EPAS1: variants seen among roughly 807,000 people sequenced by gnomAD.
EPAS1 encodes the protein endothelial PAS domain-containing protein 1.
Under a neutral mutation model 87.9 loss-of-function variants are expected in EPAS1, and 23 were observed. The observed-to-expected ratio is 0.26, with a 90% CI of 0.19 to 0.37. The LOEUF is 0.37. Among genes scored for constraint, EPAS1 ranks in the 10% least tolerant of loss-of-function variants. EPAS1 has a pLI of 1.00. For synonymous variants in EPAS1, 508 were observed against 444.3 expected, an observed-to-expected ratio of 1.14 and a Z score of -1.80; for missense variants, 1,138 against 1,120.7, an observed-to-expected ratio of 1.02 and a Z score of -0.22.
chr2:46,333,652 G>A (rs1379875072), intron 1 of EPAS1, among the ~76,000 whole-genome samples: 1 of 152,090 alleles, frequency 6.6e-6, no homozygotes. Flanking sequence ...CTACAGGATC[G>A]TAGGAGCTAA....
At position 46,297,859 on chromosome 2, in the gene EPAS1, G is replaced by C. The variant is rs2104831279; in HGVS notation, c.-53G>C. 3.1e-6 allele frequency: 5 copies of C among 1,593,986 alleles called. No homozygotes were observed. The highest frequency in any genetic ancestry group is 4.3e-6 in the Non-Finnish European group (5 of 1,170,764). On this transcript the variant is annotated 5_prime_UTR_variant, in exon 1 of 16. Transcript: ENST00000263734. ...GGACGAGGGCCACAGCCCCCCACCC[G>C]CCAGGGAGCCCAGGTGCTCGGCGTC...
chr2:46,343,005 A>G (rs1374883324), intron 1 of EPAS1, among the ~76,000 whole-genome samples: 1 of 152,150 alleles, frequency 6.6e-6, no homozygotes, highest in East Asian at 1.9e-4. Context: ...AAACAAACCC[A>G]AAACAAACCC....
intron 6 of EPAS1, among the ~76,000 whole-genome samples, chr2:46,366,397 G>A (rs10206434): frequency 0.097 from 14,812 of 152,202 alleles, 2,123 homozygotes; most frequent in African/African-American, 0.31. Context: ...GCTGACCCAC[G>A]TATTTACTTG....
intron 2 of EPAS1, among the ~76,000 whole-genome samples, chr2:46,351,202 C>G (rs1034181059): frequency 6.6e-6 from 1 of 152,212 alleles, no homozygotes; most frequent in African/African-American, 2.4e-5. Context: ...AATATACAGT[C>G]TCTTCTAGAG....
intron 1 of EPAS1, among the ~76,000 whole-genome samples, chr2:46,345,827 T>C (rs1309856173): frequency 6.6e-6 from 1 of 152,220 alleles, no homozygotes; most frequent in East Asian, 1.9e-4. Flanking sequence ...TGTCTTTTCA[T>C]GGCCATCTTT....
At chr2:46,328,648 T>C (rs1475048367) in intron 1 of EPAS1, among the ~76,000 whole-genome samples, 1 of 152,240 alleles carries the variant, frequency 6.6e-6, no homozygotes, top group East Asian at 1.9e-4. Context: ...CTACACTTTA[T>C]TTATGTAGCA....
rs1237029051 is a variant in EPAS1, at chr2:46,371,734, C to G, written c.886+1801C>G. Among the ~76,000 whole-genome samples the G allele has an allele frequency of 1.3e-5, 2 of 152,180 alleles. No individual in the cohort carries two copies. The highest frequency in any genetic ancestry group is 2.9e-5 in the Non-Finnish European group (2 of 68,036). On this transcript the variant is annotated intron_variant, in intron 7 of 15. Coordinates refer to ENST00000263734, the MANE Select transcript of EPAS1 (RefSeq NM_001430.5). The surrounding 1 kb of genome is among the most constrained non-coding windows in gnomAD (Gnocchi z 4.3). ...GGGACTTAGCGGCCCAGGCTCTGGCCCAGCCGACCCACTGATTCCCTAGGG... is the reference window on the plus strand; with the variant it reads ...GGGACTTAGCGGCCCAGGCTCTGGCGCAGCCGACCCACTGATTCCCTAGGG...
chr2:46,320,521 G>T (rs548837989), intron 1 of EPAS1, among the ~76,000 whole-genome samples: 9 of 152,312 alleles, frequency 5.9e-5, no homozygotes, highest in African/African-American at 9.6e-5. Flanking sequence ...CAGTTTGTGG[G>T]CTAATGGAAA....
At chr2:46,322,534 C>T (rs898948721) in intron 1 of EPAS1, among the ~76,000 whole-genome samples, 1 of 152,194 alleles carries the variant, frequency 6.6e-6, no homozygotes. Flanking sequence ...GAGGTGGAGC[C>T]TGAGAGTGTG....
Position 46,304,587 on chromosome 2 carries a change from A to G in EPAS1, c.26+6650A>G, listed in dbSNP as rs147452240. The stretch of plus-strand genomic sequence containing the variant: ...TAGGGATTGAAGATCTGAAAGGCCA[A>G]CATGGAACTCCTTGAATTTCTTATT... On this transcript the variant is annotated intron_variant, in intron 1 of 15. Coordinates refer to ENST00000263734, the MANE Select transcript of EPAS1 (RefSeq NM_001430.5). Among the ~76,000 whole-genome samples, 305 of 152,334 alleles carry G rather than the reference A, an allele frequency of 2.0e-3. 12 individuals carry two copies. The South Asian group carries it at 0.051, about 25-fold the overall frequency.
At chr2:46,363,859 C>T (rs1684451701) in intron 6 of EPAS1, among the ~76,000 whole-genome samples, 2 of 152,162 alleles carry the variant, frequency 1.3e-5, no homozygotes, top group African/African-American at 4.8e-5. Flanking sequence ...CATGTAGAAG[C>T]ATTTAAAGAC....
intron 3 of EPAS1, 65 bp from the exon 4 acceptor site, chr2:46,356,659 C>T: frequency 7.6e-7 from 1 of 1,318,158 alleles, no homozygotes; most frequent in Non-Finnish European, 1.1e-6. Context: ...GGTGGCTCAG[C>T]TTACTCTTGG....
intron 2 of EPAS1, among the ~76,000 whole-genome samples, chr2:46,351,426 C>T (rs1684142430): frequency 6.6e-6 from 1 of 152,096 alleles, no homozygotes; most frequent in Non-Finnish European, 1.5e-5. Flanking sequence ...GGACACAGTG[C>T]CTTCTGTCAA....
At chr2:46,354,712 G>A (rs1381017329) in intron 2 of EPAS1, among the ~76,000 whole-genome samples, 3 of 151,956 alleles carry the variant, frequency 2.0e-5, no homozygotes, top group Admixed American at 6.6e-5. Context: ...CATTCTGTAC[G>A]CCATTGCCAG....
rs1245677186 is a variant in EPAS1 at position 46,297,483 on chromosome 2, A to C, written c.-429A>C. ...CCAGCGCTCCTGAGGCGGCCGTACA[A>C]TCCTCGGCAGTGTCCTGAGACTGTA... is the stretch of plus-strand genomic sequence containing the variant. On this transcript the variant is annotated 5_prime_UTR_variant, in exon 1 of 16. Coordinates refer to ENST00000263734, the MANE Select transcript of EPAS1 (RefSeq NM_001430.5). 1 of 198,626 alleles carries C rather than the reference A, an allele frequency of 5.0e-6. No homozygotes were observed. Among genetic ancestry groups the C allele is most frequent in the Non-Finnish European group, 1.0e-5 (1 of 97,430 alleles). The allele number at this position is 198,626 out of a possible 1,614,324, so 12.3% of individuals were successfully genotyped here.
chr2:46,370,641 T>G (rs927820065), intron 7 of EPAS1, among the ~76,000 whole-genome samples: 3 of 152,208 alleles, frequency 2.0e-5, no homozygotes, highest in African/African-American at 7.2e-5. Context: ...GCAGTGGAAA[T>G]GTTCTTGAAA....
At chr2:46,333,365 G>A (rs1461755394) in intron 1 of EPAS1, among the ~76,000 whole-genome samples, 1 of 152,168 alleles carries the variant, frequency 6.6e-6, no homozygotes, top group African/African-American at 2.4e-5. Context: ...GGACTAACAA[G>A]GTGACGGTGC....
chr2:46,349,629 G>T (rs1218614621), intron 2 of EPAS1, among the ~76,000 whole-genome samples: 1 of 152,198 alleles, frequency 6.6e-6, no homozygotes, highest in Non-Finnish European at 1.5e-5. Context: ...TTCTACTTTT[G>T]GCCATGTGGT....
chr2:46,308,171 T>C (rs1683144810), intron 1 of EPAS1, among the ~76,000 whole-genome samples: 1 of 152,220 alleles, frequency 6.6e-6, no homozygotes, highest in African/African-American at 2.4e-5. Flanking sequence ...CTCCTCCATC[T>C]GGATGCTTTT....
Sources: gnomAD v4.1 joint callset for allele counts (sites outside exome capture counted in the v4.1 genomes callset) on GRCh38, gnomAD v4.1.1 for gene constraint, Gnocchi (gnomAD v3.1) non-coding constraint, MANE v1.5 for transcripts, NCBI Gene and HGNC (gene_info 2026-07-23, HGNC 2026-07-21) for gene names.